The following TMF1 variants were observed in gnomAD, a reference collection of about 807,000 sequenced individuals.
TMF1 encodes TATA element modulatory factor 1.
TMF1 carries 71 observed loss-of-function variants against 126.5 expected under a neutral mutation model. That is an observed-to-expected ratio of 0.56 (90% CI 0.46 to 0.68). TMF1 has a LOEUF of 0.68. Among genes scored for constraint, TMF1 ranks in the 30% least tolerant of loss-of-function variants. The pLI is 0.00. For missense variants in TMF1, 1,259 were observed against 1,253.2 expected (o/e 1.00, Z -0.07); for synonymous variants, 461 against 430.5 (o/e 1.07, Z -0.88).
chr3:69,033,497 T>C, intron 10 of TMF1, 51 bp downstream of exon 10: 1 of 1,548,604 alleles, frequency 6.5e-7, no homozygotes, highest in Non-Finnish European at 8.7e-7. Context: ...TCTAATTCTA[T>C]AAACAAGATG....
At chr3:69,034,486 T>A (rs1305313320) in intron 9 of TMF1, among the ~76,000 whole-genome samples, 1 of 151,818 alleles carries the variant, frequency 6.6e-6, no homozygotes, top group Non-Finnish European at 1.5e-5. Flanking sequence ...ATAAAGAAAT[T>A]AAATAAATAA....
At position 69,039,689 on chromosome 3, in the gene TMF1, T is replaced by C; in HGVS notation, c.1689A>G (p.Glu563=). 1 of 1,610,268 alleles carries C rather than the reference T, an allele frequency of 6.2e-7. No individual in the cohort carries two copies. Among genetic ancestry groups the C allele is most frequent in the Non-Finnish European group, 8.5e-7 (1 of 1,179,016 alleles). ...TGTGCAGCTGCTGTTTTGAAAGTTT[T>C]TCTCCTGGTGATGGTAAAGAAGTAT... The part of the protein sequence containing the change: ...EQIRGLMEEG[E]KLSKQQLHNS... Residue 563 remains glutamate (E), a synonymous_variant, in exon 6 of 17, where the codon GAA becomes GAG. Transcript: ENST00000398559.
At chr3:69,033,094 G>A (rs547045073) in intron 10 of TMF1, among the ~76,000 whole-genome samples, 9 of 151,882 alleles carry the variant, frequency 5.9e-5, no homozygotes, top group African/African-American at 7.2e-5. Context: ...AAAAAAAATC[G>A]AGTGCAGCAG....
At chr3:69,029,778 G>T in intron 11 of TMF1, 37 bp downstream of exon 11, 1 of 1,554,638 alleles carries the variant, frequency 6.4e-7, no homozygotes, top group Non-Finnish European at 8.7e-7. Flanking sequence ...AGGATGTCAC[G>T]GAACTACCAA....
chr3:69,037,646 A>G (rs2091839966), intron 8 of TMF1, among the ~76,000 whole-genome samples: 1 of 152,050 alleles, frequency 6.6e-6, no homozygotes, highest in Non-Finnish European at 1.5e-5. Flanking sequence ...CTGTCTCACA[A>G]AAAAAGAAAA....
chr3:69,020,223 C>G lies in TMF1; in HGVS notation c.*2954G>C, dbSNP rs1424942716. On this transcript the variant is annotated 3_prime_UTR_variant, in exon 17 of 17. Coordinates refer to ENST00000398559, the MANE Select transcript of TMF1 (RefSeq NM_007114.3). ...CTGAACATTCTTTTCACTTACTTCA[C>G]TACAAACTTCATGTTTCCTAGGTCA... 6.6e-6 allele frequency: 1 copy of G among 152,158 alleles called. No homozygotes were observed. The highest frequency in any genetic ancestry group is 1.5e-5 in the Non-Finnish European group (1 of 67,998). 9.4% of individuals were successfully genotyped at this position (152,158 alleles called of 1,614,324 possible). A position where few individuals can be genotyped will look rare whatever the true frequency, so the allele number is the denominator to read the frequency against.
rs767791918 is a variant in TMF1, at chr3:69,029,911, G to A, written c.2498C>T (p.Ser833Leu). 1.4e-5 allele frequency: 23 copies of A among 1,614,026 alleles called. No homozygotes were observed. The highest frequency in any genetic ancestry group is 1.9e-5 in the Non-Finnish European group (22 of 1,179,960). ...TTCCTGTCTTAAAAGAGAATTCTGTGACTCCATGGAAGACATCTGAATTTT... is the reference window on the plus strand; with the variant it reads ...TTCCTGTCTTAAAAGAGAATTCTGTAACTCCATGGAAGACATCTGAATTTT... ...ANKIQMSSME[S>L]QNSLLRQENS... The change falls in exon 11 of 17, where the codon TCA becomes TTA. Residue 833 changes from serine (S) to leucine (L), a missense_variant. Physicochemically the swap from Ser to Leu is moderately radical, Grantham distance 145 (BLOSUM62 -2). Coordinates refer to ENST00000398559, the MANE Select transcript of TMF1 (RefSeq NM_007114.3).
intron 8 of TMF1, among the ~76,000 whole-genome samples, chr3:69,035,844 T>C (rs2091828551): frequency 1.3e-5 from 2 of 152,188 alleles, no homozygotes; most frequent in South Asian, 2.1e-4. Flanking sequence ...AAAACACATA[T>C]ATGGGAATAG....
intron 8 of TMF1, among the ~76,000 whole-genome samples, chr3:69,036,896 C>G (rs1014440510): frequency 9.9e-5 from 15 of 151,902 alleles, no homozygotes; most frequent in African/African-American, 3.4e-4. Flanking sequence ...ATGCCAAAAG[C>G]ACAAATAACA....
intron 11 of TMF1, among the ~76,000 whole-genome samples, chr3:69,028,664 A>G (rs2091782906): frequency 6.6e-6 from 1 of 152,194 alleles, no homozygotes; most frequent in Non-Finnish European, 1.5e-5. Flanking sequence ...ATTTTACTTT[A>G]GAAATCATTT....
In TMF1 at chr3:69,052,140, G is replaced by A. The variant is rs2091934827; in HGVS notation, c.-54C>T. On this transcript the variant is annotated 5_prime_UTR_variant, in exon 1 of 17. Coordinates refer to ENST00000398559, the MANE Select transcript of TMF1 (RefSeq NM_007114.3). ...GCAGCACCAAGCGGGAAGGCCTCAGGCCTGGGGAAGGGTGCAGAGGAACGG... is the reference window on the plus strand; with the variant it reads ...GCAGCACCAAGCGGGAAGGCCTCAGACCTGGGGAAGGGTGCAGAGGAACGG... 3 of 1,567,674 alleles carry A rather than the reference G, an allele frequency of 1.9e-6. No homozygotes were observed. The highest frequency in any genetic ancestry group is 1.8e-5 in the Admixed American group (1 of 54,802).
chr3:69,038,965 A>G lies in TMF1; in HGVS notation c.1872T>C (p.Asn624=), dbSNP rs2091848354. ...KEEVEKQHRE[N]IKKLNSMVER... ...CTACCATGGAATTTAGTTTTTTAAT[A>G]TTTTCTCTATGTTGTTTCTCAACCT... The change falls in exon 7 of 17, where the codon AAT becomes AAC. Residue 624 remains asparagine (N), a synonymous_variant. Transcript: ENST00000398559. 3 of 1,608,534 alleles carry G rather than the reference A, an allele frequency of 1.9e-6. No homozygotes were observed. Among genetic ancestry groups the G allele is most frequent in the Non-Finnish European group, 1.7e-6 (2 of 1,177,918 alleles).
intron 4 of TMF1, 122 bp downstream of exon 4, chr3:69,043,628 T>C: frequency 4.1e-6 from 4 of 973,684 alleles, no homozygotes; most frequent in Non-Finnish European, 4.4e-6. Flanking sequence ...ATTTAAATGT[T>C]AATAGATGAT....
At chr3:69,042,546 T>C (rs760802883) in intron 5 of TMF1, 47 of 575,938 alleles carry the variant, frequency 8.2e-5, no homozygotes, top group Non-Finnish European at 1.4e-4. Flanking sequence ...TAAAGTTTTC[T>C]TAGGGCAGCA....
chr3:69,038,641 C>T lies in TMF1; in HGVS notation c.2074G>A (p.Ala692Thr). The change falls in exon 8 of 17, where the codon GCT becomes ACT. Residue 692 changes from alanine (A) to threonine (T), a missense_variant. Transcript: ENST00000398559. ...QEAALSREMK[A>T]KEELSAALEK... The stretch of plus-strand genomic sequence containing the variant: ...AATGCTGCAGAAAGTTCTTCTTTAG[C>T]TTTCATTTCACGGCTCAGAGCAGCT... 1.9e-6 allele frequency: 3 copies of T among 1,614,178 alleles called. No homozygotes were observed. Among genetic ancestry groups the T allele is most frequent in the Non-Finnish European group, 2.5e-6 (3 of 1,180,020 alleles).
At chr3:69,029,718 G>C (rs964256512) in intron 11 of TMF1, 97 bp downstream of exon 11, 9 of 1,198,630 alleles carry the variant, frequency 7.5e-6, no homozygotes, top group Non-Finnish European at 1.1e-5. Flanking sequence ...TGGGATTACA[G>C]GCGTGAGCCA....
At chr3:69,035,821 A>G (rs972911133) in intron 8 of TMF1, among the ~76,000 whole-genome samples, 1 of 152,196 alleles carries the variant, frequency 6.6e-6, no homozygotes, top group African/African-American at 2.4e-5. Context: ...AACACGTAAG[A>G]CATCAATTAT....
At position 69,020,400 on chromosome 3, in the gene TMF1, AG is replaced by A. The variant is rs1490593992; in HGVS notation, c.*2776del. 2.0e-5 allele frequency: 3 copies of A among 152,198 alleles called. No individual in the cohort carries two copies. The highest frequency in any genetic ancestry group is 4.4e-5 in the Non-Finnish European group (3 of 67,996). 9.4% of individuals were successfully genotyped at this position (152,198 alleles called of 1,614,324 possible). On this transcript the variant is annotated 3_prime_UTR_variant, in exon 17 of 17. Transcript: ENST00000398559. ...TCAGTTTAGCCTCCCAAGAATTGGA[AG>A]GACATCTACAGTCTGTGCTTAATTG...
At chr3:69,034,292 G>A (rs111681194) in intron 9 of TMF1, among the ~76,000 whole-genome samples, 1,534 of 152,092 alleles carry the variant, frequency 0.01, 36 homozygotes, top group African/African-American at 0.034. Flanking sequence ...GGCCAACATG[G>A]TGAAACCTCA....
Sources: gnomAD v4.1 joint callset for allele counts (sites outside exome capture counted in the v4.1 genomes callset) on GRCh38, gnomAD v4.1.1 for gene constraint, MANE v1.5 for transcripts, NCBI Gene and HGNC (gene_info 2026-07-23, HGNC 2026-07-21) for gene names.